Variants in MARCHF3 observed in about 807,000 individuals in gnomAD.
MARCHF3 encodes the protein membrane associated ring-CH-type finger 3.
Under a neutral mutation model 24.2 loss-of-function variants are expected in MARCHF3, and 13 were observed. The observed-to-expected ratio is 0.54, with a 90% CI of 0.35 to 0.85. The LOEUF (loss-of-function observed/expected upper bound fraction) is 0.85, where lower values mean the gene tolerates loss of function less well. Among genes scored for constraint, MARCHF3 ranks in the 40% least tolerant of loss-of-function variants. The pLI is 0.01. For synonymous variants in MARCHF3, 144 were observed against 137.3 expected (o/e 1.05, Z -0.34); for missense variants, 276 against 325.0 (o/e 0.85, Z 1.16).
intron 1 of MARCHF3, among the ~76,000 whole-genome samples, chr5:126,979,551 G>A (rs1232421297): frequency 6.6e-6 from 1 of 152,184 alleles, no homozygotes; most frequent in Non-Finnish European, 1.5e-5. Context: ...GTATCAGCAT[G>A]GGGGCAGGGC....
At chr5:126,874,582 C>T (rs1753081571) in intron 4 of MARCHF3, among the ~76,000 whole-genome samples, 1 of 144,912 alleles carries the variant, frequency 6.9e-6, no homozygotes, top group Non-Finnish European at 1.5e-5. Context: ...GCGAAACTCC[C>T]TCTCAAAAAA....
intron 1 of MARCHF3, among the ~76,000 whole-genome samples, chr5:126,951,776 G>T (rs150976775): frequency 2.2e-4 from 33 of 152,262 alleles, no homozygotes; most frequent in African/African-American, 7.9e-4. Flanking sequence ...TGTCTGTAAG[G>T]CACTGACCTT....
intron 3 of MARCHF3, among the ~76,000 whole-genome samples, chr5:126,906,021 A>T (rs1754280482): frequency 6.6e-6 from 1 of 151,726 alleles, no homozygotes; most frequent in Admixed American, 6.6e-5. Context: ...AGTTTTTAGC[A>T]TGAAGGGTTG....
At position 126,996,535 on chromosome 5, in the gene MARCHF3, G is replaced by GAA. The variant is rs71867473; in HGVS notation, c.-57+33813_-57+33814dup. The stretch of plus-strand genomic sequence containing the variant: ...TTAGCAAGAGTTGACTGCAAGGAAG[G>GAA]AAAAAAAAAAAAAGAAAGGGAGAAG... On this transcript the variant is annotated intron_variant, in intron 1 of 4. Transcript: ENST00000308660. Among the ~76,000 whole-genome samples the GAA allele has an allele frequency of 2.8e-5, 4 of 140,466 alleles. No individual in the cohort carries two copies. In the South Asian group the frequency reaches 6.7e-4, roughly 24 times the overall value. The allele number at this position is 140,466 out of a possible 152,430, so 92.2% of individuals were successfully genotyped here. A position where few individuals can be genotyped will look rare whatever the true frequency, so the allele number is the denominator to read the frequency against.
chr5:126,916,523 T>A (rs1344906906), intron 2 of MARCHF3, among the ~76,000 whole-genome samples: 3 of 152,084 alleles, frequency 2.0e-5, no homozygotes, highest in Non-Finnish European at 4.4e-5. Context: ...CCCACTAGCC[T>A]GAAAGGCCTA....
At chr5:126,933,104 A>T (rs968591183) in intron 1 of MARCHF3, among the ~76,000 whole-genome samples, 2 of 152,184 alleles carry the variant, frequency 1.3e-5, no homozygotes, top group Non-Finnish European at 2.9e-5. Flanking sequence ...AAATAAAATA[A>T]AACAAAACAG....
chr5:126,942,371 T>A (rs902997349), intron 1 of MARCHF3, among the ~76,000 whole-genome samples: 7 of 152,190 alleles, frequency 4.6e-5, no homozygotes, highest in Non-Finnish European at 1.0e-4. Flanking sequence ...CAAGTATGGC[T>A]ATATTTTAAT....
intron 3 of MARCHF3, among the ~76,000 whole-genome samples, chr5:126,880,920 C>A (rs1280804008): frequency 6.6e-6 from 1 of 152,094 alleles, no homozygotes; most frequent in East Asian, 1.9e-4. Context: ...CTTTCTTTTG[C>A]TTGGGAATTC....
intron 4 of MARCHF3, among the ~76,000 whole-genome samples, chr5:126,872,074 CTTT>C (rs70997318): frequency 4.2e-5 from 4 of 94,510 alleles, no homozygotes; most frequent in Admixed American, 2.5e-4. Flanking sequence ...AGATCCTTGT[CTTT>C]TTTTTTTTTT....
At chr5:126,979,283 T>A (rs1751307827) in intron 1 of MARCHF3, among the ~76,000 whole-genome samples, 1 of 152,238 alleles carries the variant, frequency 6.6e-6, no homozygotes, top group Non-Finnish European at 1.5e-5. Context: ...TTCTAAGGTC[T>A]AGCACAAAGC....
chr5:126,984,544 C>T (rs918747180), intron 1 of MARCHF3, among the ~76,000 whole-genome samples: 2 of 152,230 alleles, frequency 1.3e-5, no homozygotes, highest in African/African-American at 4.8e-5. Flanking sequence ...GAGAGCTGGG[C>T]TTCCAGGGCG....
chr5:126,975,952 G>C (rs770438818), intron 1 of MARCHF3, among the ~76,000 whole-genome samples: 11 of 152,062 alleles, frequency 7.2e-5, no homozygotes, highest in Non-Finnish European at 1.6e-4. Context: ...TGCCTCTTTG[G>C]GTTTCTTTCA....
intron 1 of MARCHF3, among the ~76,000 whole-genome samples, chr5:126,940,151 G>A (rs914594011): frequency 1.3e-5 from 2 of 152,196 alleles, no homozygotes; most frequent in Non-Finnish European, 2.9e-5. Flanking sequence ...TGCATGTAGG[G>A]TGACTCGAAT....
At chr5:127,028,017 AATT>A (rs1407611626) in intron 1 of MARCHF3, among the ~76,000 whole-genome samples, 1 of 152,240 alleles carries the variant, frequency 6.6e-6, no homozygotes, top group Non-Finnish European at 1.5e-5. Context: ...AAGGTGGGAA[AATT>A]ATTATGTCTA....
chr5:126,951,404 C>G (rs140758429), intron 1 of MARCHF3, among the ~76,000 whole-genome samples: 8 of 152,204 alleles, frequency 5.3e-5, no homozygotes, highest in Non-Finnish European at 1.2e-4. Flanking sequence ...GACTTCTCTG[C>G]TCAATACTTG....
intron 1 of MARCHF3, among the ~76,000 whole-genome samples, chr5:126,961,887 A>C (rs958975423): frequency 6.6e-6 from 1 of 152,174 alleles, no homozygotes; most frequent in African/African-American, 2.4e-5. Context: ...ATTAACAGTC[A>C]CTACTAAATA....
chr5:126,956,711 C>CA (rs758322770), intron 1 of MARCHF3, among the ~76,000 whole-genome samples: 228 of 96,186 alleles, frequency 2.4e-3, no homozygotes, highest in African/African-American at 7.5e-3. Context: ...CAAACAATAA[C>CA]AAAAAAAAAC....
chr5:126,871,151 C>T (rs989851174), intron 4 of MARCHF3, among the ~76,000 whole-genome samples: 2 of 152,200 alleles, frequency 1.3e-5, no homozygotes, highest in African/African-American at 2.4e-5. Context: ...GTGACCTCAG[C>T]AATGCGCCTA....
chr5:126,937,747 TTGGGGTGAGAG>T (rs1369403836), intron 1 of MARCHF3, among the ~76,000 whole-genome samples: 1 of 152,198 alleles, frequency 6.6e-6, no homozygotes, highest in Non-Finnish European at 1.5e-5. Context: ...GTTGTTGTTT[TTGGGGTGAGAG>T]TGGGGTGAGA....
Sources: gnomAD v4.1 joint callset for allele counts (sites outside exome capture counted in the v4.1 genomes callset) on GRCh38, gnomAD v4.1.1 for gene constraint, MANE v1.5 for transcripts, NCBI Gene and HGNC (gene_info 2026-07-23, HGNC 2026-07-21) for gene names.